ZNF804B: variants seen among roughly 807,000 people sequenced by gnomAD.
ZNF804B encodes zinc finger protein 804B.
In ZNF804B, 80 loss-of-function variants were observed where a neutral mutation model predicts 101.4. The observed-to-expected ratio is 0.79, with a 90% CI of 0.66 to 0.95. ZNF804B has a LOEUF of 0.95. ZNF804B is among the 40% of genes least tolerant of loss of function. ZNF804B has a pLI of 0.00. For missense variants in ZNF804B, 1,673 were observed against 1,561.9 expected (o/e 1.07, Z -1.20); for synonymous variants, 622 against 558.8 (o/e 1.11, Z -1.59).
At chr7:89,151,992 TTTG>T (rs1422961185) in intron 1 of ZNF804B, among the ~76,000 whole-genome samples, 2 of 152,128 alleles carry the variant, frequency 1.3e-5, no homozygotes, top group Non-Finnish European at 1.5e-5. Flanking sequence ...TTTATAATCT[TTTG>T]TTCTTGTTTT....
rs541292664 is a variant in ZNF804B, at chr7:89,016,366, C to G, written c.109-201789C>G. ...ATTAGATCCCATTTGTCAATTTTGG[C>G]TTTTGTTGCCATTGCTTTTGGTGTT... On this transcript the variant is annotated intron_variant, in intron 1 of 3. Coordinates refer to ENST00000333190, the MANE Select transcript of ZNF804B (RefSeq NM_181646.5). 2.7e-3 allele frequency among the ~76,000 whole-genome samples: 414 copies of G among 150,826 alleles called. 1 individual carries two copies. Among genetic ancestry groups the G allele is most frequent in the African/African-American group, 8.9e-3 (366 of 41,262 alleles).
chr7:88,819,793 AATT>A (rs1790947226), intron 1 of ZNF804B, among the ~76,000 whole-genome samples: 1 of 152,290 alleles, frequency 6.6e-6, no homozygotes, highest in South Asian at 2.1e-4. Context: ...AATTTAGCGC[AATT>A]ATTCTGAAAA....
chr7:88,833,172 C>T (rs1366562013), intron 1 of ZNF804B, among the ~76,000 whole-genome samples: 5 of 105,564 alleles, frequency 4.7e-5, no homozygotes, highest in Non-Finnish European at 6.9e-5. Flanking sequence ...TTCTATCTTC[C>T]GCTTAAAAAA....
At chr7:89,262,294 C>T (rs1304056997) in intron 2 of ZNF804B, among the ~76,000 whole-genome samples, 1 of 152,138 alleles carries the variant, frequency 6.6e-6, no homozygotes, top group African/African-American at 2.4e-5. Flanking sequence ...TCTCTACTAT[C>T]ATTTATTCAA....
At chr7:89,111,643 T>G (rs1288043915) in intron 1 of ZNF804B, among the ~76,000 whole-genome samples, 1 of 152,186 alleles carries the variant, frequency 6.6e-6, no homozygotes, top group African/African-American at 2.4e-5. Context: ...TTTGCAAATA[T>G]TTTCTCTCAG....
intron 1 of ZNF804B, among the ~76,000 whole-genome samples, chr7:89,210,220 C>T (rs1788781707): frequency 6.6e-6 from 1 of 150,990 alleles, no homozygotes; most frequent in African/African-American, 2.4e-5. Flanking sequence ...TAATTAAGTA[C>T]ATATTATGCT....
intron 1 of ZNF804B, among the ~76,000 whole-genome samples, chr7:88,871,306 A>G (rs1791819933): frequency 6.6e-6 from 1 of 152,168 alleles, no homozygotes; most frequent in South Asian, 2.1e-4. Context: ...CTATGCAGGC[A>G]TACAAAGGCT....
chr7:89,015,924 A>G (rs1788547608), intron 1 of ZNF804B, among the ~76,000 whole-genome samples: 1 of 151,198 alleles, frequency 6.6e-6, no homozygotes, highest in Non-Finnish European at 1.5e-5. Context: ...TGACTTCCAC[A>G]ATGGTTGAAC....
intron 2 of ZNF804B, among the ~76,000 whole-genome samples, chr7:89,250,438 A>G (rs781517995): frequency 6.6e-6 from 1 of 152,188 alleles, no homozygotes. Flanking sequence ...TGGAATCAGA[A>G]ATAAAAAGAA....
At chr7:88,853,709 G>T (rs1791479088) in intron 1 of ZNF804B, among the ~76,000 whole-genome samples, 1 of 152,014 alleles carries the variant, frequency 6.6e-6, no homozygotes, top group Non-Finnish European at 1.5e-5. Flanking sequence ...AACTATCAAT[G>T]TACCAAGTTT....
chr7:88,977,862 C>T (rs1224122088), intron 1 of ZNF804B, among the ~76,000 whole-genome samples: 1 of 150,388 alleles, frequency 6.6e-6, no homozygotes, highest in Non-Finnish European at 1.5e-5. Flanking sequence ...TAATGTTTGC[C>T]CTTATTACTG....
chr7:88,884,526 T>C (rs2115914688), intron 1 of ZNF804B, among the ~76,000 whole-genome samples: 1 of 151,952 alleles, frequency 6.6e-6, no homozygotes, highest in Admixed American at 6.6e-5. Flanking sequence ...TATACACCTA[T>C]ATGACCTTGA....
intron 1 of ZNF804B, among the ~76,000 whole-genome samples, chr7:88,872,359 G>T (rs867951789): frequency 6.6e-6 from 1 of 152,158 alleles, no homozygotes; most frequent in Admixed American, 6.5e-5. Flanking sequence ...TGAGGCTGCA[G>T]TGAGCTATGA....
Position 89,335,999 on chromosome 7 carries a change from G to T in ZNF804B, c.3017G>T (p.Ser1006Ile). ...CCAAGGACTACGGAGAAAGACAAAA[G>T]CAAAAGTTCACACACAAATAATTTT... ...AIPRTTEKDK[S>I]KSSHTNNFTI... is the part of the protein sequence containing the mutation. Residue 1006 changes from serine (S) to isoleucine (I), a missense_variant, in exon 4 of 4, where the codon AGC (serine) becomes ATC (isoleucine). Physicochemically the swap from Ser to Ile is moderately radical, Grantham distance 142 (BLOSUM62 -2). Transcript: ENST00000333190. 2 of 1,613,976 alleles carry T rather than the reference G, an allele frequency of 1.2e-6. No individual in the cohort carries two copies. The highest frequency in any genetic ancestry group is 2.2e-5 in the South Asian group (2 of 91,082).
chr7:89,012,869 T>TA (rs1486622050), intron 1 of ZNF804B, among the ~76,000 whole-genome samples: 2 of 152,156 alleles, frequency 1.3e-5, no homozygotes, highest in Non-Finnish European at 2.9e-5. Context: ...TATGAATAAA[T>TA]ACGCAAGACT....
At chr7:89,046,947 C>A (rs1789118402) in intron 1 of ZNF804B, among the ~76,000 whole-genome samples, 1 of 152,050 alleles carries the variant, frequency 6.6e-6, no homozygotes, top group South Asian at 2.1e-4. Context: ...CTTTCTATAA[C>A]CTTACCTTCA....
chr7:89,022,072 G>C (rs148538769), intron 1 of ZNF804B, among the ~76,000 whole-genome samples: 1 of 152,046 alleles, frequency 6.6e-6, no homozygotes, highest in African/African-American at 2.4e-5. Context: ...TTCCACGAGG[G>C]GAAGTCTCTC....
At chr7:88,857,949 A>G (rs1791596510) in intron 1 of ZNF804B, among the ~76,000 whole-genome samples, 1 of 146,028 alleles carries the variant, frequency 6.8e-6, no homozygotes, top group Admixed American at 7.1e-5. Context: ...CAGCCTCCTG[A>G]ATAGTTGGGA....
chr7:89,049,581 A>T (rs1258236301), intron 1 of ZNF804B, among the ~76,000 whole-genome samples: 1 of 152,102 alleles, frequency 6.6e-6, no homozygotes, highest in East Asian at 1.9e-4. Context: ...CAACTTTAGT[A>T]CTCAGCTATT....
Sources: gnomAD v4.1 joint callset for allele counts (sites outside exome capture counted in the v4.1 genomes callset) on GRCh38, gnomAD v4.1.1 for gene constraint, MANE v1.5 for transcripts, NCBI Gene and HGNC (gene_info 2026-07-23, HGNC 2026-07-21) for gene names.